Variants in HBS1L observed in about 807,000 individuals in gnomAD.
The protein encoded by HBS1L is HBS1 like translational GTPase.
A neutral mutation model predicts 88.9 loss-of-function variants in HBS1L; 55 were observed. The ratio of observed to expected loss-of-function variants is 0.62; its 90% CI spans 0.50 to 0.77. The LOEUF (loss-of-function observed/expected upper bound fraction) is 0.77, where lower values mean the gene tolerates loss of function less well. Ranked by LOEUF, HBS1L falls within the 30% of genes least tolerant of loss-of-function variation. The pLI is 0.00. For synonymous variants in HBS1L, 267 were observed against 288.5 expected (o/e 0.93, Z 0.76); for missense variants, 741 against 829.3 (o/e 0.89, Z 1.31).
rs146363467 is a variant in HBS1L, at chr6:134,983,950, A to G, written c.1493-1388T>C. On this transcript the variant is annotated intron_variant, in intron 12 of 17. Coordinates refer to ENST00000367837, the MANE Select transcript of HBS1L (RefSeq NM_006620.4). ...GAGGAGTTTCAAGGTGGATGTGGCT[A>G]CCAGCATCAGAACCAATGCCAAATT... 1.6e-4 allele frequency among the ~76,000 whole-genome samples: 24 copies of G among 152,290 alleles called. 1 individual carries two copies. Among genetic ancestry groups the G allele is most frequent in the Admixed American group, 3.9e-4 (6 of 15,274 alleles).
intron 4 of HBS1L, among the ~76,000 whole-genome samples, chr6:135,030,794 T>G (rs1163987267): frequency 6.6e-6 from 1 of 152,188 alleles, no homozygotes; most frequent in Non-Finnish European, 1.5e-5. Context: ...AATGTACAGT[T>G]GATTCTCATT....
At chr6:134,974,090 C>A (rs763837256) in intron 15 of HBS1L, among the ~76,000 whole-genome samples, 4 of 152,008 alleles carry the variant, frequency 2.6e-5, no homozygotes, top group Non-Finnish European at 5.9e-5. Context: ...AACGACACCA[C>A]AGATATACAA....
chr6:135,001,482 CCTCT>C (rs71724938), intron 5 of HBS1L, among the ~76,000 whole-genome samples: 5 of 151,016 alleles, frequency 3.3e-5, no homozygotes, highest in African/African-American at 1.2e-4. Flanking sequence ...TTATTTCCCC[CCTCT>C]CTCTCTCTCT....
chr6:135,033,649 A>C (rs1776450255), intron 4 of HBS1L, among the ~76,000 whole-genome samples: 1 of 152,206 alleles, frequency 6.6e-6, no homozygotes, highest in Admixed American at 6.5e-5. Flanking sequence ...TTACAACCCT[A>C]ATCAGCCAAC....
At chr6:135,042,831 A>C (rs1277725044) in intron 2 of HBS1L, among the ~76,000 whole-genome samples, 1 of 44,320 alleles carries the variant, frequency 2.3e-5, no homozygotes, top group Non-Finnish European at 5.6e-5. Flanking sequence ...AAAAACAAAA[A>C]AAAAAAACAG....
intron 2 of HBS1L, among the ~76,000 whole-genome samples, chr6:135,043,362 T>C (rs1162636600): frequency 3.9e-5 from 6 of 152,374 alleles, no homozygotes; most frequent in Middle Eastern, 3.4e-3. Context: ...TTCATTGACT[T>C]GTGTATAGAT....
chr6:135,038,391 GTT>G (rs780724201), intron 4 of HBS1L, among the ~76,000 whole-genome samples: 1 of 151,948 alleles, frequency 6.6e-6, no homozygotes, highest in Non-Finnish European at 1.5e-5. Context: ...AAAAAACTAG[GTT>G]CCTTTTATTC....
At chr6:134,994,879 T>C (rs1775248158) in intron 7 of HBS1L, among the ~76,000 whole-genome samples, 1 of 152,088 alleles carries the variant, frequency 6.6e-6, no homozygotes, top group Admixed American at 6.6e-5. Context: ...GGCAATAAAC[T>C]AGGTTTGCCC....
chr6:135,052,100 T>C (rs1230980129), intron 1 of HBS1L, among the ~76,000 whole-genome samples: 1 of 152,106 alleles, frequency 6.6e-6, no homozygotes, highest in East Asian at 1.9e-4. Flanking sequence ...AGTTAGCTAG[T>C]TTCTGAGGGT....
intron 4 of HBS1L, among the ~76,000 whole-genome samples, chr6:135,009,790 C>A (rs539836639): frequency 7.0e-6 from 1 of 142,634 alleles, no homozygotes; most frequent in Non-Finnish European, 1.5e-5. Flanking sequence ...CCCGCCACTG[C>A]GCCCAGCTAA....
intron 4 of HBS1L, chr6:135,037,766 T>C (rs117966977): frequency 0.023 from 35,263 of 1,550,492 alleles, 493 homozygotes; most frequent in Non-Finnish European, 0.025. Context: ...TCTCTTGACA[T>C]ATCATGAATT....
At chr6:135,022,416 C>T (rs1776098881) in intron 4 of HBS1L, among the ~76,000 whole-genome samples, 1 of 151,656 alleles carries the variant, frequency 6.6e-6, no homozygotes, top group African/African-American at 2.4e-5. Context: ...TGAAGATACA[C>T]AGTTTTGAGA....
chr6:135,004,218 C>T (rs966281417), intron 4 of HBS1L, among the ~76,000 whole-genome samples: 8 of 150,350 alleles, frequency 5.3e-5, no homozygotes, highest in Admixed American at 1.3e-4. Context: ...AACACTTGCT[C>T]TAAGAGCGAT....
chr6:135,039,601 T>A lies in HBS1L; in HGVS notation c.402A>T (p.Ala134=). The A allele has an allele frequency of 6.2e-7, 1 of 1,614,124 alleles. No individual in the cohort carries two copies. The highest frequency in any genetic ancestry group is 8.5e-7 in the Non-Finnish European group (1 of 1,180,000). Reference sequence around the variant, plus strand: ...TTGCTATCTTTCCTGTAGATACTGTTGCCTCATTCTTGTCCTTCAAACTCT... The same window carrying A: ...TTGCTATCTTTCCTGTAGATACTGTAGCCTCATTCTTGTCCTTCAAACTCT... ...RVQSLKDKNE[A]TVSTGKIAKG... is the part of the protein sequence containing the mutation. The change falls in exon 4 of 18, where the codon GCA becomes GCT. Residue 134 remains alanine, a synonymous_variant. Coordinates refer to ENST00000367837, the MANE Select transcript of HBS1L (RefSeq NM_006620.4).
chr6:134,993,041 T>C (rs1409497997), intron 8 of HBS1L, among the ~76,000 whole-genome samples: 8 of 152,216 alleles, frequency 5.3e-5, no homozygotes, highest in Non-Finnish European at 1.0e-4. Flanking sequence ...TTTACCACTG[T>C]GCCACAACTG....
chr6:134,966,423 G>C lies in HBS1L; in HGVS notation c.1949C>G (p.Pro650Arg). The change falls in exon 17 of 18, where the codon CCA becomes CGA. Residue 650 changes from proline (P) to arginine (R), a missense_variant. Transcript: ENST00000367837. Reference sequence around the variant, plus strand: ...GTCTTTATATAGCTCAAGAGCTATTGGTCTTTGTGTCTGTAGCTCTACCAA... The same window carrying C: ...GTCTTTATATAGCTCAAGAGCTATTCGTCTTTGTGTCTGTAGCTCTACCAA... ...NALVELQTQR[P>R]IALELYKDFK... 1 of 1,611,438 alleles carries C rather than the reference G, an allele frequency of 6.2e-7. No individual in the cohort carries two copies. Among genetic ancestry groups the C allele is most frequent in the Non-Finnish European group, 8.5e-7 (1 of 1,178,174 alleles).
chr6:135,037,039 G>C, intron 4 of HBS1L: 5 of 1,551,516 alleles, frequency 3.2e-6, no homozygotes, highest in Non-Finnish European at 4.4e-6. Flanking sequence ...GACCTCAAAG[G>C]ACTCTTTCTT....
intron 8 of HBS1L, among the ~76,000 whole-genome samples, chr6:134,992,125 GT>G (rs796681621): frequency 2.6e-5 from 4 of 152,276 alleles, no homozygotes; most frequent in African/African-American, 9.6e-5. Flanking sequence ...TTGAAGTCAT[GT>G]TTTTGCCATG....
At chr6:134,971,817 C>A (rs559784937) in intron 15 of HBS1L, among the ~76,000 whole-genome samples, 1 of 152,140 alleles carries the variant, frequency 6.6e-6, no homozygotes, top group African/African-American at 2.4e-5. Context: ...CACAACCTCT[C>A]GGAGGGTTCA....
Sources: allele counts gnomAD v4.1 joint callset (sites outside exome capture counted in the v4.1 genomes callset), GRCh38; gene constraint gnomAD v4.1.1; transcripts MANE v1.5; gene names NCBI Gene and HGNC (gene_info 2026-07-23, HGNC 2026-07-21).